BRCA2: variants seen among roughly 807,000 people sequenced by gnomAD.
The protein encoded by BRCA2 is BRCA2 DNA repair associated.
In BRCA2, 203 loss-of-function variants were observed where a neutral mutation model predicts 276.7. The ratio of observed to expected loss-of-function variants is 0.73; its 90% CI spans 0.65 to 0.82. The LOEUF (loss-of-function observed/expected upper bound fraction) is 0.82, where lower values mean the gene tolerates loss of function less well. Among genes scored for constraint, BRCA2 ranks in the 40% least tolerant of loss-of-function variants. The pLI, the probability that BRCA2 is intolerant of heterozygous loss-of-function variation, is 0.00. For synonymous variants in BRCA2, 1,289 were observed against 1,338.4 expected (o/e 0.96, Z 0.81); for missense variants, 3,920 against 3,915.0 (o/e 1.00, Z -0.03).
intron 18 of BRCA2, 21 bp from the exon 19 acceptor site, chr13:32,370,381 T>C (rs1347503527): frequency 1.2e-6 from 2 of 1,604,234 alleles, no homozygotes; most frequent in African/African-American, 1.3e-5. Context: ...ACTAAATCAA[T>C]ATATTTATTA....
Position 32,326,336 on chromosome 13 carries a change from T to C in BRCA2, c.516+54T>C, listed in dbSNP as rs368799999. 5.2e-4 allele frequency: 812 copies of C among 1,567,612 alleles called. No individual in the cohort carries two copies. Among genetic ancestry groups the C allele is most frequent in the Admixed American group, 1.1e-3 (64 of 59,470 alleles). On this transcript the variant is annotated intron_variant, in intron 6 of 26. Transcript: ENST00000380152. The stretch of plus-strand genomic sequence containing the variant: ...GACTTAGTAATTGAGAATTTGACAA[T>C]AGCGTTATACCTTTGCCCTGAGATT...
Position 32,344,366 on chromosome 13 carries a change from CA to C in BRCA2, c.6842-191del, listed in dbSNP as rs149811837. ...TAGTGGTGTTTTAAAGTGGTCAAAA[CA>C]GAACAAAAATGTAATTGACATTGAA... is the stretch of plus-strand genomic sequence containing the variant. On this transcript the variant is annotated intron_variant, in intron 11 of 26. Coordinates refer to ENST00000380152, the MANE Select transcript of BRCA2 (RefSeq NM_000059.4). 3.3e-3 allele frequency among the ~76,000 whole-genome samples: 500 copies of C among 152,064 alleles called. 4 individuals are homozygous for C. The highest frequency in any genetic ancestry group is 0.011 in the African/African-American group (442 of 41,502).
chr13:32,390,574 C>A (rs967192971), intron 24 of BRCA2, among the ~76,000 whole-genome samples: 2 of 152,178 alleles, frequency 1.3e-5, no homozygotes, highest in Non-Finnish European at 2.9e-5. Flanking sequence ...TGTTCTCCCC[C>A]TCTTGATGAA....
chr13:32,329,420 A>G (rs781763220), intron 7 of BRCA2, 23 bp from the exon 8 acceptor site: 2 of 1,550,542 alleles, frequency 1.3e-6, no homozygotes, highest in African/African-American at 2.7e-5. Flanking sequence ...AATATACAAT[A>G]CACATAAATT....
rs11571834 is a variant in BRCA2, at chr13:32,399,065, C to G, written c.*295C>G. On this transcript the variant is annotated 3_prime_UTR_variant, in exon 27 of 27. Coordinates refer to ENST00000380152, the MANE Select transcript of BRCA2 (RefSeq NM_000059.4). ...CCTGTAATCCCAACACTTTGAGAAG[C>G]TGAGGTGGGAGGAGTGCTTGAGGCC... 3.6e-3 allele frequency: 1,296 copies of G among 355,710 alleles called. 20 individuals are homozygous for G. Among genetic ancestry groups the G allele is most frequent in the African/African-American group, 0.025 (1,197 of 46,988 alleles). The allele number at this position is 355,710 out of a possible 1,614,324, so 22.0% of individuals were successfully genotyped here. A position where few individuals can be genotyped will look rare whatever the true frequency, so the allele number is the denominator to read the frequency against.
intron 21 of BRCA2, among the ~76,000 whole-genome samples, chr13:32,377,642 CAAAT>C (rs1272064901): frequency 1.3e-5 from 2 of 149,260 alleles, no homozygotes; most frequent in East Asian, 2.0e-4. Context: ...GTTTTAGGAT[CAAAT>C]AAATAATCTA....
rs864622238 is a variant in BRCA2 at position 32,326,551 on chromosome 13, C to G, written c.569C>G (p.Pro190Arg). Residue 190 changes from proline to arginine, a missense_variant, in exon 7 of 27, where the codon CCT (proline) becomes CGT (arginine). Transcript: ENST00000380152. ...ISESLGAEVD[P>R]DMSWSSSLAT... ...GAAAGTCTAGGAGCTGAGGTGGATC[C>G]TGATATGTCTTGGTCAAGTTCTTTA... 1 of 1,614,050 alleles carries G rather than the reference C, an allele frequency of 6.2e-7. No individual in the cohort carries two copies. The highest frequency in any genetic ancestry group is 8.5e-7 in the Non-Finnish European group (1 of 1,179,954).
chr13:32,381,598 G>T (rs1395101702), intron 24 of BRCA2, among the ~76,000 whole-genome samples: 2 of 152,172 alleles, frequency 1.3e-5, no homozygotes, highest in Non-Finnish European at 2.9e-5. Flanking sequence ...CAGAGAGTGA[G>T]AAGTAACATC....
chr13:32,370,452 C>G lies in BRCA2; in HGVS notation c.8382C>G (p.Phe2794Leu), dbSNP rs80359084. The G allele has an allele frequency of 1.2e-6, 2 of 1,613,868 alleles. No homozygotes were observed. The highest frequency in any genetic ancestry group is 1.7e-6 in the Non-Finnish European group (2 of 1,179,870). The change falls in exon 19 of 27, where the codon TTC becomes TTG. Residue 2794 changes from phenylalanine to leucine, a missense_variant. By Grantham distance (22) the Phe-to-Leu change is conservative. Around this residue, in one of 2 missense-constraint regions of BRCA2, gnomAD observed 657 missense variants for 758.2 expected, o/e 0.87. Coordinates refer to ENST00000380152, the MANE Select transcript of BRCA2 (RefSeq NM_000059.4). ...CTCGCTGGTATACCAAACTTGGATTCTTTCCTGACCCTAGACCTTTTCCTC... is the reference window on the plus strand; with the variant it reads ...CTCGCTGGTATACCAAACTTGGATTGTTTCCTGACCCTAGACCTTTTCCTC... Reference protein sequence around the residue: ...RPARWYTKLGFFPDPRPFPLP... With the variant: ...RPARWYTKLGLFPDPRPFPLP...
intron 24 of BRCA2, chr13:32,385,311 A>C: frequency 4.7e-6 from 1 of 212,320 alleles, no homozygotes; most frequent in South Asian, 8.9e-5. Context: ...TAGATGATAG[A>C]TATAGTAAGG....
At position 32,379,459 on chromosome 13, in the gene BRCA2, TCA is replaced by T. The variant is rs1593936840; in HGVS notation, c.8900_8901del (p.Thr2967AsnfsTer50). 6.2e-7 allele frequency: 1 copy of T among 1,613,498 alleles called. No homozygotes were observed. The highest frequency in any genetic ancestry group is 8.5e-7 in the Non-Finnish European group (1 of 1,179,824). On this transcript the variant is annotated frameshift_variant, in exon 22 of 27. Coordinates refer to ENST00000380152, the MANE Select transcript of BRCA2 (RefSeq NM_000059.4). LOFTEE classifies it high-confidence loss of function. Reference sequence around the variant, plus strand: ...AAGGAACAAGGTTTATCAAGGGATGTCACAACCGTGTGGAAGTTGCGTATTGT... The same window carrying T: ...AAGGAACAAGGTTTATCAAGGGATGTCAACCGTGTGGAAGTTGCGTATTGT...
chr13:32,383,457 CA>C (rs1380408005), intron 24 of BRCA2, among the ~76,000 whole-genome samples: 1 of 152,192 alleles, frequency 6.6e-6, no homozygotes, highest in African/African-American at 2.4e-5. Flanking sequence ...GTAAACACAT[CA>C]TGACTGCCAG....
chr13:32,379,441 A>G lies in BRCA2; in HGVS notation c.8879A>G (p.Gln2960Arg), dbSNP rs757088844. The G allele has an allele frequency of 1.2e-6, 2 of 1,613,578 alleles. No individual in the cohort carries two copies. Among genetic ancestry groups the G allele is most frequent in the Non-Finnish European group, 8.5e-7 (1 of 1,179,830 alleles). Residue 2960 changes from glutamine (Q) to arginine (R), a missense_variant, in exon 22 of 27, where the codon CAA (glutamine) becomes CGA (arginine). Transcript: ENST00000380152. ...KAMESAEQKE[Q>R]GLSRDVTTVW... ...ATGGAATCTGCTGAACAAAAGGAAC[A>G]AGGTTTATCAAGGGATGTCACAACC...
chr13:32,349,550 A>G (rs1030798788), intron 13 of BRCA2, among the ~76,000 whole-genome samples: 4 of 151,818 alleles, frequency 2.6e-5, no homozygotes, highest in African/African-American at 9.7e-5. Flanking sequence ...AAGAAGCAAT[A>G]CTCGCCGGGT....
chr13:32,339,315 T>G lies in BRCA2; in HGVS notation c.4960T>G (p.Cys1654Gly), dbSNP rs876659012. ...AGAAACAGCAAAAAGTCCTGCAACTTGTTACACAAATCAGTCCCCTTATTC... is the reference window on the plus strand; with the variant it reads ...AGAAACAGCAAAAAGTCCTGCAACTGGTTACACAAATCAGTCCCCTTATTC... ...EKETAKSPATCYTNQSPYSVI... is the reference protein window; with the variant it reads ...EKETAKSPATGYTNQSPYSVI... The change falls in exon 11 of 27, where the codon TGT becomes GGT. Residue 1654 changes from cysteine to glycine, a missense_variant. Transcript: ENST00000380152. The G allele has an allele frequency of 6.2e-7, 1 of 1,602,764 alleles. No homozygotes were observed. Among genetic ancestry groups the G allele is most frequent in the Non-Finnish European group, 8.5e-7 (1 of 1,176,112 alleles).
intron 25 of BRCA2, among the ~76,000 whole-genome samples, chr13:32,395,325 AT>A (rs1019835624): frequency 7.2e-5 from 11 of 152,158 alleles, no homozygotes; most frequent in Non-Finnish European, 1.0e-4. Flanking sequence ...TACAGATTAT[AT>A]TTCTTTGACT....
chr13:32,348,784 A>C (rs1450946667), intron 13 of BRCA2, among the ~76,000 whole-genome samples: 1 of 152,232 alleles, frequency 6.6e-6, no homozygotes, highest in Non-Finnish European at 1.5e-5. Context: ...GGGAGATCCC[A>C]GAGTAGCTGT....
intron 18 of BRCA2, among the ~76,000 whole-genome samples, chr13:32,365,060 A>G (rs1384912935): frequency 6.7e-6 from 1 of 148,572 alleles, no homozygotes; most frequent in Non-Finnish European, 1.5e-5. Context: ...AATTTTTAAG[A>G]CATTTCATTT....
At chr13:32,394,088 A>G (rs1290390141) in intron 24 of BRCA2, among the ~76,000 whole-genome samples, 1 of 152,080 alleles carries the variant, frequency 6.6e-6, no homozygotes, top group Non-Finnish European at 1.5e-5. Context: ...TTTTAACTCA[A>G]CACTGTCCTG....
Sources: gnomAD v4.1 joint callset for allele counts (sites outside exome capture counted in the v4.1 genomes callset) on GRCh38, gnomAD v4.1.1 for gene constraint, gnomAD v4.1.1 regional missense constraint, MANE v1.5 for transcripts, NCBI Gene and HGNC (gene_info 2026-07-23, HGNC 2026-07-21) for gene names.